Variants in LIF observed in about 807,000 individuals in gnomAD.
The protein encoded by LIF is leukemia inhibitory factor.
LIF carries 9 observed loss-of-function variants against 15.0 expected under a neutral mutation model. That is an observed-to-expected ratio of 0.60 (90% confidence interval 0.36 to 1.04). The LOEUF is 1.04. LIF is among the 50% of genes least tolerant of loss of function. The pLI, the probability that LIF is intolerant of heterozygous loss-of-function variation, is 0.01. For synonymous variants in LIF, 122 were observed against 119.7 expected (o/e 1.02, Z -0.13); for missense variants, 240 against 266.7 (o/e 0.90, Z 0.70).
chr22:30,242,321 AGGGGATGG>A lies in LIF; in HGVS notation c.*1322_*1329del, dbSNP rs753963141. On this transcript the variant is annotated 3_prime_UTR_variant, in exon 3 of 3. Transcript: ENST00000249075. ...CTGACACCCTAAAGCAAGTCACAGT[AGGGGATGG>A]GGGGGGGTGGAGCAAGGCCCCCCAC... is the stretch of plus-strand genomic sequence containing the variant. 3.3e-5 allele frequency: 4 copies of A among 122,550 alleles called. No individual in the cohort carries two copies. The highest frequency in any genetic ancestry group is 1.7e-4 in the Admixed American group (2 of 11,722). The allele number at this position is 122,550 out of a possible 1,614,324, so 7.6% of individuals were successfully genotyped here.
intron 1 of LIF, chr22:30,246,420 G>C: frequency 8.6e-7 from 1 of 1,162,272 alleles, no homozygotes; most frequent in Non-Finnish European, 1.1e-6. Flanking sequence ...GAGAAGGAGA[G>C]GGGGAAGAAG....
Position 30,244,767 on chromosome 22 carries a change from G to C in LIF, c.186C>G (p.Leu62=), listed in dbSNP as rs551618327. Residue 62 remains leucine, a synonymous_variant, in exon 2 of 3, where the codon CTC becomes CTG. Coordinates refer to ENST00000249075, the MANE Select transcript of LIF (RefSeq NM_002309.5). ...AGGGGTAACTTACATAGAGAATAAA[G>C]AGGGCATTGGCACTGCCATTGAGCT... ...LAQLNGSANA[L]FILYYTAQGE... 7.9e-5 allele frequency: 127 copies of C among 1,614,086 alleles called. 3 individuals carry two copies. In the South Asian group the frequency reaches 1.1e-3, roughly 14 times the overall value.
In LIF at chr22:30,244,080, G is replaced by A. The variant is rs754519051; in HGVS notation, c.199-19C>T. 2.5e-6 allele frequency: 4 copies of A among 1,588,718 alleles called. No individual in the cohort carries two copies. The highest frequency in any genetic ancestry group is 3.4e-6 in the Non-Finnish European group (4 of 1,168,274). On this transcript the variant is annotated intron_variant, in intron 2 of 2. Coordinates refer to ENST00000249075, the MANE Select transcript of LIF (RefSeq NM_002309.5). ...CTGTGTACTGAGGGGCAGAAGGGAG[G>A]TGACGTGGGAGTCAGGGGTCAGTGT...
At chr22:30,245,020 G>T in intron 1 of LIF, 87 bp from the exon 2 acceptor site, 1 of 1,310,854 alleles carries the variant, frequency 7.6e-7, no homozygotes, top group Non-Finnish European at 1.1e-6. Context: ...GTCCAACAAT[G>T]GCCGCATGGG....
At chr22:30,244,706 A>T in intron 2 of LIF, 49 bp downstream of exon 2, 1 of 1,559,114 alleles carries the variant, frequency 6.4e-7, no homozygotes, top group Non-Finnish European at 8.8e-7. Context: ...AATGATATTT[A>T]CAAGCCCCCT....
At position 30,246,734 on chromosome 22, in the gene LIF, G is replaced by A. The variant is rs1366842201; in HGVS notation, c.-39C>T. On this transcript the variant is annotated 5_prime_UTR_variant, in exon 1 of 3. Coordinates refer to ENST00000249075, the MANE Select transcript of LIF (RefSeq NM_002309.5). ...TCAGAGGGCCTTGGAGGAAACCTCA[G>A]ATGCCGGCAGTTTTCAGAGGTTCAT... 2 of 1,551,726 alleles carry A rather than the reference G, an allele frequency of 1.3e-6. No homozygotes were observed. The highest frequency in any genetic ancestry group is 2.4e-5 in the East Asian group (1 of 41,150).
chr22:30,246,688 A>T lies in LIF; in HGVS notation c.8T>A (p.Val3Asp), dbSNP rs1210472642. 8 of 1,557,212 alleles carry T rather than the reference A, an allele frequency of 5.1e-6. No individual in the cohort carries two copies. Among genetic ancestry groups the T allele is most frequent in the Non-Finnish European group, 7.0e-6 (8 of 1,149,546 alleles). MKVLAAGVVPLLL... is the reference protein window; with the variant it reads MKDLAAGVVPLLL... Reference sequence around the variant, plus strand: ...GCGGGTGTATTTACCTGCCGCCAAGACCTTCATTATGGGCTGCACTTCAGA... The same window carrying T: ...GCGGGTGTATTTACCTGCCGCCAAGTCCTTCATTATGGGCTGCACTTCAGA... Residue 3 changes from valine to aspartate, a missense_variant, in exon 1 of 3, where the codon GTC (valine) becomes GAC (aspartate). Transcript: ENST00000249075.
In LIF at chr22:30,241,001, A is replaced by G. The variant is rs1460268196; in HGVS notation, c.*2650T>C. ...AGGGCCCGGAGACATCTCTCTTGGT[A>G]AACTCTCTCTTCCTCCGGCCAGGCC... is the stretch of plus-strand genomic sequence containing the variant. On this transcript the variant is annotated 3_prime_UTR_variant, in exon 3 of 3. Transcript: ENST00000249075. The surrounding 1 kb of genome is among the most constrained non-coding windows in gnomAD (Gnocchi z 4.4). 1 of 152,232 alleles carries G rather than the reference A, an allele frequency of 6.6e-6. No homozygotes were observed. The highest frequency in any genetic ancestry group is 1.9e-4 in the East Asian group (1 of 5,204). The allele number at this position is 152,232 out of a possible 1,614,324, so 9.4% of individuals were successfully genotyped here.
chr22:30,245,756 AC>A (rs930688649), intron 1 of LIF, among the ~76,000 whole-genome samples: 1 of 151,890 alleles, frequency 6.6e-6, no homozygotes, highest in African/African-American at 2.4e-5. Flanking sequence ...ACACACACAC[AC>A]CGGCTCAGGG....
In LIF at chr22:30,246,713, A is replaced by G; in HGVS notation, c.-18T>C. ...ACCTTCATTATGGGCTGCACTTCAG[A>G]GGGCCTTGGAGGAAACCTCAGATGC... On this transcript the variant is annotated 5_prime_UTR_variant, in exon 1 of 3. Coordinates refer to ENST00000249075, the MANE Select transcript of LIF (RefSeq NM_002309.5). 6.4e-7 allele frequency: 1 copy of G among 1,553,222 alleles called. No individual in the cohort carries two copies. Among genetic ancestry groups the G allele is most frequent in the South Asian group, 1.2e-5 (1 of 84,386 alleles).
chr22:30,243,901 G>T lies in LIF; in HGVS notation c.359C>A (p.Thr120Asn), dbSNP rs1437018496. ...VYLGTSLGNITRDQKILNPSA... is the reference protein window; with the variant it reads ...VYLGTSLGNINRDQKILNPSA... The stretch of plus-strand genomic sequence containing the variant: ...GGGGTTGAGGATCTTCTGGTCCCGG[G>T]TGATGTTGCCCAGGGAGGTGCCAAG... Residue 120 changes from threonine to asparagine, a missense_variant, in exon 3 of 3, where the codon ACC (threonine) becomes AAC (asparagine). Thr to Asn is a moderately conservative substitution (Grantham distance 65). Transcript: ENST00000249075. This position sits in a 1 kb window ranked among gnomAD's most constrained non-coding sequence, Gnocchi z 6.0. 2.5e-6 allele frequency: 4 copies of T among 1,614,114 alleles called. No individual in the cohort carries two copies. The highest frequency in any genetic ancestry group is 3.4e-6 in the Non-Finnish European group (4 of 1,180,042).
intron 1 of LIF, among the ~76,000 whole-genome samples, chr22:30,245,297 G>A (rs1386287562): frequency 6.6e-6 from 1 of 152,164 alleles, no homozygotes; most frequent in Non-Finnish European, 1.5e-5. Context: ...AAGGCACCAG[G>A]CCCCAGGCCC....
rs1006384665 is a variant in LIF, at chr22:30,241,220, CAG to C, written c.*2429_*2430del. 8 of 152,206 alleles carry C rather than the reference CAG, an allele frequency of 5.3e-5. No homozygotes were observed. Among genetic ancestry groups the C allele is most frequent in the African/African-American group, 1.9e-4 (8 of 41,430 alleles). The allele number at this position is 152,206 out of a possible 1,614,324, so 9.4% of individuals were successfully genotyped here. ...GTCCAGGCTGGGTGGGAGAGCGACT[CAG>C]AGCCAGGGCCGCAAGGTGGGCCTGG... On this transcript the variant is annotated 3_prime_UTR_variant, in exon 3 of 3. Transcript: ENST00000249075. This position sits in a 1 kb window ranked among gnomAD's most constrained non-coding sequence, Gnocchi z 4.4.
At chr22:30,246,478 C>T (rs1928898308) in intron 1 of LIF, 199 bp downstream of exon 1, 4 of 1,224,870 alleles carry the variant, frequency 3.3e-6, no homozygotes, top group Non-Finnish European at 4.1e-6. Context: ...GCCAACCTGC[C>T]GCGGGGCGTG....
chr22:30,246,528 C>T, intron 1 of LIF, 149 bp downstream of exon 1: 19 of 1,308,210 alleles, frequency 1.5e-5, no homozygotes, highest in Non-Finnish European at 1.8e-5. Context: ...CTCCGGGCCG[C>T]CACCCAGCGC....
At chr22:30,244,119 C>A in intron 2 of LIF, 58 bp from the exon 3 acceptor site, 1 of 1,524,370 alleles carries the variant, frequency 6.6e-7, no homozygotes. Context: ...AGCCCTGCCG[C>A]CAACCCTTTG....
rs1364720360 is a variant in LIF at position 30,242,669 on chromosome 22, C to T, written c.*982G>A. 1 of 152,702 alleles carries T rather than the reference C, an allele frequency of 6.5e-6. No homozygotes were observed. Among genetic ancestry groups the T allele is most frequent in the Non-Finnish European group, 1.5e-5 (1 of 68,036 alleles). 9.5% of individuals were successfully genotyped at this position (152,702 alleles called of 1,614,324 possible). ...CCCTGACCCTAAGTTCTGCTGTTCC[C>T]TTGCCCTGGGGACCAGAGACGGCCT... On this transcript the variant is annotated 3_prime_UTR_variant, in exon 3 of 3. Coordinates refer to ENST00000249075, the MANE Select transcript of LIF (RefSeq NM_002309.5).
In LIF at chr22:30,243,268, G is replaced by T; in HGVS notation, c.*383C>A. 1 of 347,758 alleles carries T rather than the reference G, an allele frequency of 2.9e-6. No homozygotes were observed. Among genetic ancestry groups the T allele is most frequent in the South Asian group, 2.6e-5 (1 of 37,996 alleles). 21.5% of individuals were successfully genotyped at this position (347,758 alleles called of 1,614,324 possible). The stretch of plus-strand genomic sequence containing the variant: ...AGATGGTGATAATTTGCTGGGGGCT[G>T]GTCCACTCCCCTGGGCCCTGCTGTC... On this transcript the variant is annotated 3_prime_UTR_variant, in exon 3 of 3. Transcript: ENST00000249075. The surrounding 1 kb of genome is among the most constrained non-coding windows in gnomAD (Gnocchi z 6.0).
At position 30,243,986 on chromosome 22, in the gene LIF, A is replaced by T; in HGVS notation, c.274T>A (p.Phe92Ile). 6.2e-7 allele frequency: 1 copy of T among 1,613,994 alleles called. No individual in the cohort carries two copies. The highest frequency in any genetic ancestry group is 2.2e-5 in the East Asian group (1 of 44,880). The change falls in exon 3 of 3, where the codon TTC becomes ATC. Residue 92 changes from phenylalanine (F) to isoleucine (I), a missense_variant. Transcript: ENST00000249075. This position sits in a 1 kb window ranked among gnomAD's most constrained non-coding sequence, Gnocchi z 6.0. ...CGPNVTDFPP[F>I]HANGTEKAKL... is the part of the protein sequence containing the mutation. ...GCCTTCTCCGTGCCGTTGGCGTGGA[A>T]GGGCGGGAAGTCCGTCACGTTGGGG...
Sources: gnomAD v4.1 joint callset for allele counts (sites outside exome capture counted in the v4.1 genomes callset) on GRCh38, gnomAD v4.1.1 for gene constraint, Gnocchi (gnomAD v3.1) non-coding constraint, MANE v1.5 for transcripts, NCBI Gene and HGNC (gene_info 2026-07-23, HGNC 2026-07-21) for gene names.